Variants in ARHGEF11 observed in about 807,000 individuals in gnomAD.
ARHGEF11 encodes the protein Rho guanine nucleotide exchange factor 11, also known as Rho guanine exchange factor (GEF) 11.
Under a neutral mutation model 193.7 loss-of-function variants are expected in ARHGEF11, and 55 were observed. That is an observed-to-expected ratio of 0.28 (90% CI 0.23 to 0.36). ARHGEF11 has a LOEUF of 0.36. Among genes scored for constraint, ARHGEF11 ranks in the 10% least tolerant of loss-of-function variants. The pLI is 1.00. For missense variants in ARHGEF11, 1,723 were observed against 2,005.6 expected, an observed-to-expected ratio of 0.86 and a Z score of 2.69; for synonymous variants, 693 against 768.0, an observed-to-expected ratio of 0.90 and a Z score of 1.62.
intron 7 of ARHGEF11, among the ~76,000 whole-genome samples, chr1:156,975,296 T>TGTGAATAACAATGCTGGGCATCTTCCC (rs1222737490): frequency 5.9e-5 from 9 of 152,266 alleles, no homozygotes; most frequent in African/African-American, 2.2e-4. Context: ...AGCATCTTCC[T>TGTGAATAACAATGCTGGGCATCTTCCC]GTGAATAACA....
At chr1:156,952,488 A>C (rs1659262562) in intron 21 of ARHGEF11, among the ~76,000 whole-genome samples, 1 of 152,180 alleles carries the variant, frequency 6.6e-6, no homozygotes, top group East Asian at 1.9e-4. Context: ...CCATATTAGA[A>C]CAGGGGTGGG....
chr1:156,980,319 C>A, intron 4 of ARHGEF11, 118 bp downstream of exon 4: 1 of 1,227,852 alleles, frequency 8.1e-7, no homozygotes, highest in Non-Finnish European at 1.2e-6. Flanking sequence ...ACTCCTAACT[C>A]AGTGGCTGCC....
At chr1:156,958,911 C>G in intron 16 of ARHGEF11, 47 bp from the exon 17 acceptor site, 1 of 1,612,968 alleles carries the variant, frequency 6.2e-7, no homozygotes, top group Non-Finnish European at 8.5e-7. Context: ...CACAAATACT[C>G]AACAGATGGA....
In ARHGEF11 at chr1:157,044,508, G is replaced by C; in HGVS notation, c.-178C>G. On this transcript the variant is annotated 5_prime_UTR_variant, in exon 1 of 41. Transcript: ENST00000368194. ...GATGCTCCACTCTACTTCTACCAGT[G>C]AACATGATTTCCTTTCTCAGCCCCT... is the stretch of plus-strand genomic sequence containing the variant. 2.0e-6 allele frequency: 1 copy of C among 502,476 alleles called. No homozygotes were observed. The highest frequency in any genetic ancestry group is 3.6e-6 in the Non-Finnish European group (1 of 280,294). 31.1% of individuals were successfully genotyped at this position (502,476 alleles called of 1,614,324 possible). A position where few individuals can be genotyped will look rare whatever the true frequency, so the allele number is the denominator to read the frequency against.
chr1:157,029,189 A>ATT (rs1413113832), intron 1 of ARHGEF11, among the ~76,000 whole-genome samples: 2 of 150,832 alleles, frequency 1.3e-5, no homozygotes, highest in African/African-American at 4.9e-5. Flanking sequence ...AAAAAAAAAG[A>ATT]AAGATATGAA....
intron 40 of ARHGEF11, among the ~76,000 whole-genome samples, chr1:156,936,493 AAAAAATATAT>A (rs1195033648): frequency 2.7e-4 from 17 of 62,400 alleles, no homozygotes; most frequent in African/African-American, 1.2e-3. Context: ...AAAAAAAAAA[AAAAAATATAT>A]ATATATATAT....
In ARHGEF11 at chr1:156,948,055, T is replaced by C; in HGVS notation, c.2154-99A>G. The C allele has an allele frequency of 1.3e-6, 2 of 1,545,072 alleles. No individual in the cohort carries two copies. Among genetic ancestry groups the C allele is most frequent in the South Asian group, 1.2e-5 (1 of 81,196 alleles). On this transcript the variant is annotated intron_variant, in intron 24 of 40. Coordinates refer to ENST00000368194, the MANE Select transcript of ARHGEF11 (RefSeq NM_198236.3). The surrounding 1 kb of genome is among the most constrained non-coding windows in gnomAD (Gnocchi z 4.2). Reference sequence around the variant, plus strand: ...GCCCGACCTGCTTGCCCCATGCACATGGGAAACCAGTGGGCCCAGAAGAGG... The same window carrying C: ...GCCCGACCTGCTTGCCCCATGCACACGGGAAACCAGTGGGCCCAGAAGAGG...
At chr1:156,980,410 G>A (rs1167033550) in intron 4 of ARHGEF11, 27 bp downstream of exon 4, 2 of 1,598,170 alleles carry the variant, frequency 1.3e-6, no homozygotes, top group Non-Finnish European at 1.7e-6. Context: ...ACTGCTGGGA[G>A]TGGGAGTGTG....
At chr1:157,015,839 C>T (rs1338259154) in intron 1 of ARHGEF11, among the ~76,000 whole-genome samples, 1 of 152,158 alleles carries the variant, frequency 6.6e-6, no homozygotes, top group East Asian at 1.9e-4. Context: ...ACTCATTCAC[C>T]CAATCAAAAA....
At chr1:156,955,599 G>A in intron 20 of ARHGEF11, 104 bp downstream of exon 20, 1 of 888,674 alleles carries the variant, frequency 1.1e-6, no homozygotes, top group Non-Finnish European at 1.9e-6. Flanking sequence ...TGGGCCTGTG[G>A]CTCCCAGAAA....
intron 1 of ARHGEF11, among the ~76,000 whole-genome samples, chr1:157,028,642 G>A (rs1346998111): frequency 2.0e-5 from 3 of 152,120 alleles, no homozygotes; most frequent in Non-Finnish European, 4.4e-5. Context: ...GAGGTTAAAT[G>A]ACTTAGCTTA....
chr1:156,985,359 T>C (rs1664764412), intron 2 of ARHGEF11, among the ~76,000 whole-genome samples: 1 of 152,250 alleles, frequency 6.6e-6, no homozygotes, highest in Admixed American at 6.5e-5. Flanking sequence ...GTGCTTAACA[T>C]AAACACTAAG....
intron 13 of ARHGEF11, among the ~76,000 whole-genome samples, chr1:156,962,780 G>A (rs1428189894): frequency 1.3e-5 from 2 of 150,614 alleles, no homozygotes; most frequent in Non-Finnish European, 3.0e-5. Context: ...TCGGGGGGCT[G>A]AGGCAGGAGA....
intron 38 of ARHGEF11, among the ~76,000 whole-genome samples, chr1:156,937,787 T>C (rs1344561566): frequency 6.6e-6 from 1 of 152,080 alleles, no homozygotes; most frequent in African/African-American, 2.4e-5. Flanking sequence ...GAAATTGGAG[T>C]GGCTCCCCCT....
rs1163124603 is a variant in ARHGEF11 at position 157,035,894 on chromosome 1, AAT to A, written c.32+8403_32+8404del. Among the ~76,000 whole-genome samples the A allele has an allele frequency of 8.0e-3, 379 of 47,576 alleles. 26 individuals carry two copies. The highest frequency in any genetic ancestry group is 0.016 in the South Asian group (27 of 1,666). 31.2% of individuals were successfully genotyped at this position (47,576 alleles called of 152,430 possible). On this transcript the variant is annotated intron_variant, in intron 1 of 40. Coordinates refer to ENST00000368194, the MANE Select transcript of ARHGEF11 (RefSeq NM_198236.3). ...GAATATATATAGGAATATATATAGG[AAT>A]ATATATATATGAATCTATATATAGG...
chr1:156,980,305 T>G, intron 4 of ARHGEF11, 132 bp downstream of exon 4: 1 of 1,031,822 alleles, frequency 9.7e-7, no homozygotes, highest in Non-Finnish European at 1.5e-6. Flanking sequence ...CCTCGTATGG[T>G]ACCACTCCTA....
At chr1:156,994,932 A>G (rs1282061258) in intron 1 of ARHGEF11, among the ~76,000 whole-genome samples, 2 of 152,216 alleles carry the variant, frequency 1.3e-5, no homozygotes, top group Non-Finnish European at 2.9e-5. Context: ...CAATCTCCCC[A>G]GCCCTGCTCC....
At chr1:156,937,082 C>A in intron 39 of ARHGEF11, 77 bp from the exon 40 acceptor site, 1 of 1,575,402 alleles carries the variant, frequency 6.3e-7, no homozygotes, top group Non-Finnish European at 8.6e-7. Flanking sequence ...CTGTGCTGGG[C>A]CTTGGGGAGG....
At chr1:157,019,843 C>T (rs917102587) in intron 1 of ARHGEF11, among the ~76,000 whole-genome samples, 2 of 151,954 alleles carry the variant, frequency 1.3e-5, no homozygotes, top group African/African-American at 4.8e-5. Flanking sequence ...CAAGTAGTTG[C>T]CTAGGGAAGG....
Sources: gnomAD v4.1 joint callset for allele counts (sites outside exome capture counted in the v4.1 genomes callset) on GRCh38, gnomAD v4.1.1 for gene constraint, Gnocchi (gnomAD v3.1) non-coding constraint, MANE v1.5 for transcripts, NCBI Gene and HGNC (gene_info 2026-07-23, HGNC 2026-07-21) for gene names.